The following MEF2C variants were observed in gnomAD, a reference collection of about 807,000 sequenced individuals.
MEF2C encodes myocyte-specific enhancer factor 2C.
In MEF2C, 6 loss-of-function variants were observed where a neutral mutation model predicts 50.5. That is an observed-to-expected ratio of 0.12 (90% CI 0.07 to 0.23). MEF2C has a LOEUF of 0.23. Among genes scored for constraint, MEF2C ranks in the 10% least tolerant of loss-of-function variants. The pLI, the probability that MEF2C is intolerant of heterozygous loss-of-function variation, is 1.00. For missense variants in MEF2C, 276 were observed against 605.0 expected, an observed-to-expected ratio of 0.46 and a Z score of 5.70; for synonymous variants, 183 against 228.0, an observed-to-expected ratio of 0.80 and a Z score of 1.78.
At chr5:88,881,416 C>T (rs1832787840) in intron 1 of MEF2C, among the ~76,000 whole-genome samples, 1 of 152,142 alleles carries the variant, frequency 6.6e-6, no homozygotes, top group African/African-American at 2.4e-5. Context: ...ACTGCATTAT[C>T]TTTAGTTGAA....
At chr5:88,810,635 T>C (rs1802381534) in intron 2 of MEF2C, among the ~76,000 whole-genome samples, 1 of 152,132 alleles carries the variant, frequency 6.6e-6, no homozygotes, top group South Asian at 2.1e-4. Flanking sequence ...TGGATGGTAG[T>C]AATTTAGCTG....
At chr5:88,728,273 A>G (rs1759800576) in intron 10 of MEF2C, among the ~76,000 whole-genome samples, 1 of 152,164 alleles carries the variant, frequency 6.6e-6, no homozygotes, top group Non-Finnish European at 1.5e-5. Flanking sequence ...AACAATAAGG[A>G]AAGAATTTAC....
At chr5:88,900,242 TA>T (rs1371336510) in intron 1 of MEF2C, among the ~76,000 whole-genome samples, 3 of 151,804 alleles carry the variant, frequency 2.0e-5, no homozygotes, top group Non-Finnish European at 4.4e-5. Context: ...CCATATTTAC[TA>T]ATATAATTAA....
chr5:88,780,152 A>AAAAAAG (rs1168485783), intron 3 of MEF2C, among the ~76,000 whole-genome samples: 4 of 152,112 alleles, frequency 2.6e-5, no homozygotes, highest in African/African-American at 4.8e-5. Flanking sequence ...ATCTCGAAAA[A>AAAAAAG]AAAAAGAAAA....
intron 6 of MEF2C, chr5:88,742,118 G>C: frequency 2.0e-6 from 2 of 985,344 alleles, no homozygotes; most frequent in Non-Finnish European, 2.4e-6. Context: ...TTGAAGCACC[G>C]AGTGAGAAAG....
At chr5:88,893,588 A>G (rs1002963869) in intron 1 of MEF2C, among the ~76,000 whole-genome samples, 6 of 152,026 alleles carry the variant, frequency 3.9e-5, no homozygotes, top group African/African-American at 1.4e-4. Flanking sequence ...TATTTATAAA[A>G]TATTTTATTT....
chr5:88,830,734 A>G (rs924186915), intron 1 of MEF2C, among the ~76,000 whole-genome samples: 13 of 152,010 alleles, frequency 8.6e-5, no homozygotes, highest in Non-Finnish European at 1.8e-4. Context: ...ATTTTTCACA[A>G]CAGTGCAGCC....
Position 88,735,856 on chromosome 5 carries a change from T to G in MEF2C, c.638-3955A>C, listed in dbSNP as rs577299917. 157 of 985,448 alleles carry G rather than the reference T, an allele frequency of 1.6e-4. 5 individuals are homozygous for G. In the South Asian group the frequency reaches 6.4e-3, roughly 40 times the overall value. The allele number at this position is 985,448 out of a possible 1,614,324, so 61.0% of individuals were successfully genotyped here. On this transcript the variant is annotated intron_variant, in intron 6 of 10. Transcript: ENST00000504921. ...CACAGAGCTCACTTGAACATGTAGC[T>G]CTCTTTGAGCTCAAAGTTCTGAAAC...
chr5:88,740,042 T>C, intron 6 of MEF2C: 1 of 985,346 alleles, frequency 1.0e-6, no homozygotes, highest in Non-Finnish European at 1.2e-6. Context: ...CTTAGAGAAA[T>C]ACCCCAAGAC....
chr5:88,878,352 T>G (rs748370019), intron 1 of MEF2C, among the ~76,000 whole-genome samples: 19 of 152,006 alleles, frequency 1.2e-4, no homozygotes, highest in Non-Finnish European at 2.1e-4. Flanking sequence ...ATTACAGGAA[T>G]GACCCCTTTC....
chr5:88,745,441 A>G (rs888174772), intron 6 of MEF2C, among the ~76,000 whole-genome samples: 1 of 152,246 alleles, frequency 6.6e-6, no homozygotes, highest in Non-Finnish European at 1.5e-5. Flanking sequence ...GAAGAAGGAA[A>G]GGCATGCTAG....
intron 6 of MEF2C, chr5:88,737,477 C>G: frequency 1.0e-6 from 1 of 985,400 alleles, no homozygotes; most frequent in Non-Finnish European, 1.2e-6. Flanking sequence ...GTTGAAGTCT[C>G]TGATATTTTC....
At chr5:88,891,538 G>A (rs1834576568) in intron 1 of MEF2C, among the ~76,000 whole-genome samples, 1 of 151,944 alleles carries the variant, frequency 6.6e-6, no homozygotes, top group Non-Finnish European at 1.5e-5. Context: ...GAGTAGCTGG[G>A]ACTACAGGCG....
chr5:88,800,923 A>C (rs891286431), intron 3 of MEF2C, among the ~76,000 whole-genome samples: 1 of 152,206 alleles, frequency 6.6e-6, no homozygotes, highest in Non-Finnish European at 1.5e-5. Context: ...ATCATAAAAA[A>C]ACTGATCTCA....
chr5:88,742,867 A>T (rs1767474824), intron 6 of MEF2C: 1 of 984,814 alleles, frequency 1.0e-6, no homozygotes, highest in Admixed American at 6.2e-5. Context: ...CACATGCTGT[A>T]GCTATCTAAT....
rs141006086 is a variant in MEF2C, at chr5:88,796,749, T to C, written c.258+7849A>G. Among the ~76,000 whole-genome samples, 82 of 152,340 alleles carry C rather than the reference T, an allele frequency of 5.4e-4. 2 individuals are homozygous for C. In the East Asian group the frequency reaches 0.013, roughly 25 times the overall value. The stretch of plus-strand genomic sequence containing the variant: ...TTTAGATCTTTCTCACTTTGTCCTG[T>C]AGGCATTCAGTGCTATAAATTCACC... On this transcript the variant is annotated intron_variant, in intron 3 of 10. Transcript: ENST00000504921.
At chr5:88,755,659 T>C (rs1774955184) in intron 4 of MEF2C, among the ~76,000 whole-genome samples, 1 of 152,248 alleles carries the variant, frequency 6.6e-6, no homozygotes, top group South Asian at 2.1e-4. Flanking sequence ...AAGCCATCTC[T>C]GGGCTACAAA....
intron 3 of MEF2C, among the ~76,000 whole-genome samples, chr5:88,774,895 G>C (rs1403395534): frequency 6.6e-6 from 1 of 152,098 alleles, no homozygotes; most frequent in East Asian, 1.9e-4. Flanking sequence ...ATTTAAACTC[G>C]TCTTTCCTGC....
chr5:88,822,547 A>G (rs1423554936), intron 2 of MEF2C, among the ~76,000 whole-genome samples: 3 of 152,002 alleles, frequency 2.0e-5, no homozygotes, highest in African/African-American at 7.2e-5. Flanking sequence ...TAAACTTGAA[A>G]ACCTAAAAGT....
Sources: allele counts gnomAD v4.1 joint callset (sites outside exome capture counted in the v4.1 genomes callset), GRCh38; gene constraint gnomAD v4.1.1; transcripts MANE v1.5; gene names NCBI Gene and HGNC (gene_info 2026-07-23, HGNC 2026-07-21).